CXCL12: variants seen among roughly 807,000 people sequenced by gnomAD.
CXCL12 encodes the protein C-X-C motif chemokine ligand 12.
CXCL12 carries 4 observed loss-of-function variants against 10.7 expected under a neutral mutation model. The observed-to-expected ratio is 0.37, with a 90% confidence interval of 0.18 to 0.86. CXCL12 has a LOEUF of 0.86. Ranked by LOEUF, CXCL12 falls within the 40% of genes least tolerant of loss-of-function variation. CXCL12 has a pLI of 0.43. For synonymous variants in CXCL12, 54 were observed against 45.4 expected, an observed-to-expected ratio of 1.19 and a Z score of -0.77; for missense variants, 122 against 110.4, an observed-to-expected ratio of 1.10 and a Z score of -0.47.
exon 4 of CXCL12, chr10:44,370,492 G>A (rs1437901504): frequency 6.6e-6 from 1 of 152,328 alleles, no homozygotes; most frequent in Non-Finnish European, 1.5e-5. Flanking sequence ...GAAGTTTCTA[G>A]GGAATATTTC....
rs777505954 is a variant in CXCL12 at position 44,385,050 on chromosome 10, G to GC, written c.-46dup. 1 of 1,371,272 alleles carries GC rather than the reference G, an allele frequency of 7.3e-7. No individual in the cohort carries two copies. The highest frequency in any genetic ancestry group is 1.4e-5 in the South Asian group (1 of 71,484). 84.9% of individuals were successfully genotyped at this position (1,371,272 alleles called of 1,614,324 possible). ...GCGGGCGGACGAGCGCGGGTCGGGGGCCGGACGCCGAGCGGGCAATGCGGC... is the reference window on the plus strand; with the variant it reads ...GCGGGCGGACGAGCGCGGGTCGGGGGCCCGGACGCCGAGCGGGCAATGCGGC... On this transcript the variant is annotated 5_prime_UTR_variant, in exon 1 of 3. Transcript: ENST00000343575.
In CXCL12 at chr10:44,378,522, C is replaced by T; in HGVS notation, c.*111G>A. ...CAATGTGCCCACCCCACACACACAC[C>T]TGGTCCTCATGGTTAAGGCCCCCTC... On this transcript the variant is annotated 3_prime_UTR_variant, in exon 3 of 3. Transcript: ENST00000343575. 6.4e-7 allele frequency: 1 copy of T among 1,569,602 alleles called. No homozygotes were observed.
downstream of CXCL12, chr10:44,373,203 C>T (rs914346419): frequency 7.8e-6 from 12 of 1,545,556 alleles, no homozygotes; most frequent in African/African-American, 1.5e-4. Flanking sequence ...GCAAAGTGTG[C>T]AAAACAAAGC....
intron 1 of CXCL12, 44 bp downstream of exon 1, chr10:44,384,901 G>A: frequency 6.6e-7 from 1 of 1,508,630 alleles, no homozygotes; most frequent in Non-Finnish European, 8.8e-7. Context: ...GGCGGGAGCC[G>A]AAGCCCAGAG....
chr10:44,378,429 G>A lies in CXCL12; in HGVS notation c.*204C>T. Reference sequence around the variant, plus strand: ...TACAGGGCATGGATGAATATAAGCTGCAATATCATACCGTATGCTATAAAT... The same window carrying A: ...TACAGGGCATGGATGAATATAAGCTACAATATCATACCGTATGCTATAAAT... On this transcript the variant is annotated 3_prime_UTR_variant, in exon 3 of 3. Transcript: ENST00000343575. The A allele has an allele frequency of 1.3e-6, 2 of 1,550,870 alleles. No individual in the cohort carries two copies. The highest frequency in any genetic ancestry group is 1.7e-6 in the Non-Finnish European group (2 of 1,151,528).
downstream of CXCL12, chr10:44,373,327 C>G (rs571055420): frequency 6.2e-7 from 1 of 1,608,222 alleles, no homozygotes; most frequent in South Asian, 1.1e-5. Flanking sequence ...GTCTGACCCT[C>G]TCACATCTTG....
intron 1 of CXCL12, among the ~76,000 whole-genome samples, chr10:44,382,382 G>A (rs1275738841): frequency 6.6e-6 from 1 of 152,220 alleles, no homozygotes; most frequent in Non-Finnish European, 1.5e-5. Context: ...AAACGCTCCT[G>A]AGTGTTGTGC....
chr10:44,377,183 G>T lies in CXCL12; in HGVS notation c.*1450C>A. On this transcript the variant is annotated 3_prime_UTR_variant, in exon 3 of 3. Transcript: ENST00000343575. ...TGCTAGTGCATATAATGTCACATTT[G>T]ATACAATTTTAGTACAAGTGAAAAA... The T allele has an allele frequency of 3.0e-6, 3 of 986,764 alleles. No individual in the cohort carries two copies. The highest frequency in any genetic ancestry group is 2.4e-6 in the Non-Finnish European group (2 of 830,916). The allele number at this position is 986,764 out of a possible 1,614,324, so 61.1% of individuals were successfully genotyped here. A position where few individuals can be genotyped will look rare whatever the true frequency, so the allele number is the denominator to read the frequency against.
rs1013763809 is a variant in CXCL12 at position 44,378,462 on chromosome 10, C to T, written c.*171G>A. 2.6e-6 allele frequency: 4 copies of T among 1,537,594 alleles called. No homozygotes were observed. Among genetic ancestry groups the T allele is most frequent in the Non-Finnish European group, 2.6e-6 (3 of 1,143,338 alleles). On this transcript the variant is annotated 3_prime_UTR_variant, in exon 3 of 3. Coordinates refer to ENST00000343575, the MANE Select transcript of CXCL12 (RefSeq NM_199168.4). ...ATACCGTATGCTATAAATGCAGGGT[C>T]TAAATGCTGGCAAACCTCAGGCCCG...
chr10:44,378,304 T>C lies in CXCL12; in HGVS notation c.*329A>G, dbSNP rs1564461202. The C allele has an allele frequency of 3.4e-6, 5 of 1,474,498 alleles. No individual in the cohort carries two copies. In the South Asian group the frequency reaches 4.5e-5, roughly 13 times the overall value. 91.3% of individuals were successfully genotyped at this position (1,474,498 alleles called of 1,614,324 possible). On this transcript the variant is annotated 3_prime_UTR_variant, in exon 3 of 3. Coordinates refer to ENST00000343575, the MANE Select transcript of CXCL12 (RefSeq NM_199168.4). ...AAAATGAGAATGAGAATGATGATGA[T>C]TGTGATGATCATGAAGGAACTAACT... is the stretch of plus-strand genomic sequence containing the variant.
chr10:44,378,413 T>C lies in CXCL12; in HGVS notation c.*220A>G. 27 of 1,550,898 alleles carry C rather than the reference T, an allele frequency of 1.7e-5. No homozygotes were observed. Among genetic ancestry groups the C allele is most frequent in the Non-Finnish European group, 2.3e-5 (27 of 1,150,852 alleles). The stretch of plus-strand genomic sequence containing the variant: ...TTCCAACGTGCACAGGTACAGGGCA[T>C]GGATGAATATAAGCTGCAATATCAT... On this transcript the variant is annotated 3_prime_UTR_variant, in exon 3 of 3. Transcript: ENST00000343575.
At chr10:44,380,942 T>A in intron 1 of CXCL12, 62 bp from the exon 2 acceptor site, 1 of 1,330,176 alleles carries the variant, frequency 7.5e-7, no homozygotes, top group African/African-American at 1.4e-5. Context: ...AATGTGTGTC[T>A]GGGCTGCAGC....
Position 44,385,067 on chromosome 10 carries a change from C to A in CXCL12, c.-62G>T, listed in dbSNP as rs1013955523. ...GGTCGGGGGCCGGACGCCGAGCGGG[C>A]AATGCGGCTGACGGAGAGTGAAAGT... On this transcript the variant is annotated 5_prime_UTR_variant, in exon 1 of 3. Coordinates refer to ENST00000343575, the MANE Select transcript of CXCL12 (RefSeq NM_199168.4). The A allele has an allele frequency of 2.2e-5, 28 of 1,267,988 alleles. No homozygotes were observed. Among genetic ancestry groups the A allele is most frequent in the Middle Eastern group, 2.7e-4 (1 of 3,716 alleles). The allele number at this position is 1,267,988 out of a possible 1,614,324, so 78.5% of individuals were successfully genotyped here.
downstream of CXCL12, chr10:44,376,946 C>T (rs1839472424): frequency 4.9e-6 from 1 of 202,782 alleles, no homozygotes; most frequent in African/African-American, 2.4e-5. Context: ...AAAACTTGAG[C>T]TGCAGATCTA....
In CXCL12 at chr10:44,377,693, T is replaced by C; in HGVS notation, c.*940A>G. ...GTCACTCAAAGCGAGCTCTCAGATT[T>C]AAAATTGCATTTGATTCTGTAAAGA... On this transcript the variant is annotated 3_prime_UTR_variant, in exon 3 of 3. Coordinates refer to ENST00000343575, the MANE Select transcript of CXCL12 (RefSeq NM_199168.4). 6.3e-7 allele frequency: 1 copy of C among 1,594,518 alleles called. No homozygotes were observed. The highest frequency in any genetic ancestry group is 8.5e-7 in the Non-Finnish European group (1 of 1,178,136).
At chr10:44,375,939 C>T (rs771973659), downstream of CXCL12, 102 of 1,611,308 alleles carry the variant, frequency 6.3e-5, no homozygotes, top group Middle Eastern at 2.1e-4. Flanking sequence ...TGGCAGATAA[C>T]TAGTTTTTCC....
chr10:44,377,729 G>A lies in CXCL12; in HGVS notation c.*904C>T. ...TTGATTCTGTAAAGACTTGTCTTTT[G>A]CGGGTAAGCAGGGGGACCATTACAC... On this transcript the variant is annotated 3_prime_UTR_variant, in exon 3 of 3. Transcript: ENST00000343575. 1 of 1,598,280 alleles carries A rather than the reference G, an allele frequency of 6.3e-7. No homozygotes were observed. Among genetic ancestry groups the A allele is most frequent in the South Asian group, 1.1e-5 (1 of 91,012 alleles).
At position 44,385,063 on chromosome 10, in the gene CXCL12, C is replaced by G; in HGVS notation, c.-58G>C. On this transcript the variant is annotated 5_prime_UTR_variant, in exon 1 of 3. Transcript: ENST00000343575. ...CGCGGGTCGGGGGCCGGACGCCGAG[C>G]GGGCAATGCGGCTGACGGAGAGTGA... The G allele has an allele frequency of 7.8e-7, 1 of 1,280,550 alleles. No individual in the cohort carries two copies. The highest frequency in any genetic ancestry group is 1.0e-6 in the Non-Finnish European group (1 of 962,134). 79.3% of individuals were successfully genotyped at this position (1,280,550 alleles called of 1,614,324 possible). A position where few individuals can be genotyped will look rare whatever the true frequency, so the allele number is the denominator to read the frequency against.
downstream of CXCL12, chr10:44,375,802 G>T: frequency 7.4e-6 from 11 of 1,484,106 alleles, no homozygotes; most frequent in East Asian, 2.3e-5. Flanking sequence ...GGCTGGCAGG[G>T]CAGCAAAGCA....
Sources: allele counts gnomAD v4.1 joint callset (sites outside exome capture counted in the v4.1 genomes callset), GRCh38; gene constraint gnomAD v4.1.1; transcripts MANE v1.5; gene names NCBI Gene and HGNC (gene_info 2026-07-23, HGNC 2026-07-21).